The following ERBB4 variants were observed in gnomAD, a reference collection of about 807,000 sequenced individuals.
ERBB4 encodes the protein erb-b2 receptor tyrosine kinase 4, also known as receptor tyrosine-protein kinase erbB-4.
In ERBB4, 42 loss-of-function variants were observed where a neutral mutation model predicts 158.0. That is an observed-to-expected ratio of 0.27 (90% CI 0.21 to 0.34). The LOEUF is 0.34. ERBB4 is among the 10% of genes least tolerant of loss of function. The probability of loss-of-function intolerance (pLI) is 1.00; values close to 1 mark genes in which losing one functional copy is unlikely to be tolerated. For missense variants in ERBB4, 1,333 were observed against 1,624.1 expected, an observed-to-expected ratio of 0.82 and a Z score of 3.08; for synonymous variants, 583 against 558.7, an observed-to-expected ratio of 1.04 and a Z score of -0.61.
intron 3 of ERBB4, among the ~76,000 whole-genome samples, chr2:211,837,726 T>A (rs2077372877): frequency 2.0e-5 from 3 of 152,072 alleles, no homozygotes; most frequent in Admixed American, 2.0e-4. Context: ...AAAATACACA[T>A]AAAAGCCCTA....
intron 19 of ERBB4, among the ~76,000 whole-genome samples, chr2:211,604,303 CGTTT>C (rs1393325445): frequency 6.6e-6 from 1 of 152,084 alleles, no homozygotes; most frequent in Non-Finnish European, 1.5e-5. Flanking sequence ...CCAATTTTTG[CGTTT>C]GTTTCCTGTT....
chr2:212,073,812 A>AT (rs113669050), intron 2 of ERBB4, among the ~76,000 whole-genome samples: 8 of 151,970 alleles, frequency 5.3e-5, no homozygotes, highest in African/African-American at 1.9e-4. Flanking sequence ...AAGCATGATT[A>AT]TTTTTTTACA....
At chr2:211,962,525 C>T (rs2081206680) in intron 2 of ERBB4, among the ~76,000 whole-genome samples, 2 of 152,042 alleles carry the variant, frequency 1.3e-5, no homozygotes, top group Non-Finnish European at 2.9e-5. Context: ...TAATTTTACA[C>T]CAGGCAATGG....
intron 12 of ERBB4, among the ~76,000 whole-genome samples, chr2:211,688,037 T>G: frequency 6.6e-6 from 1 of 152,190 alleles, no homozygotes; most frequent in East Asian, 1.9e-4. Flanking sequence ...ATTCCTTACC[T>G]TTGAGCTATT....
rs149903257 is a variant in ERBB4 at position 211,531,234 on chromosome 2, C to A, written c.2487+30669G>T. On this transcript the variant is annotated intron_variant, in intron 20 of 27. Transcript: ENST00000342788. ...CTATTAAAATAAAACATTGGGGACA[C>A]GTTTTGAGACACTGGAGTGGGCAGA... Among the ~76,000 whole-genome samples, 747 of 152,188 alleles carry A rather than the reference C, an allele frequency of 4.9e-3. 16 individuals carry two copies. Among genetic ancestry groups the A allele is most frequent in the Admixed American group, 0.038 (580 of 15,284 alleles).
chr2:211,968,840 T>C (rs2081375571), intron 2 of ERBB4, among the ~76,000 whole-genome samples: 1 of 152,002 alleles, frequency 6.6e-6, no homozygotes, highest in Non-Finnish European at 1.5e-5. Context: ...GGTGACTATA[T>C]CCTTTTTATT....
intron 1 of ERBB4, among the ~76,000 whole-genome samples, chr2:212,395,593 A>T (rs1574840752): frequency 6.6e-6 from 1 of 151,106 alleles, no homozygotes; most frequent in South Asian, 2.1e-4. Flanking sequence ...ATGACAGGAC[A>T]GAATAGCAAA....
rs973973824 is a variant in ERBB4, at chr2:211,936,393, C to G, written c.421+11037G>C. ...AATGAAACTGAGTAAATTGAATGCT[C>G]TTAGAAGGAAGAAAAAAGTTATGGA... On this transcript the variant is annotated intron_variant, in intron 3 of 27. Coordinates refer to ENST00000342788, the MANE Select transcript of ERBB4 (RefSeq NM_005235.3). 4.0e-5 allele frequency among the ~76,000 whole-genome samples: 6 copies of G among 151,846 alleles called. No homozygotes were observed. The South Asian group carries it at 8.3e-4, about 21-fold the overall frequency.
chr2:212,276,458 A>C (rs2085539819), intron 1 of ERBB4, among the ~76,000 whole-genome samples: 1 of 151,738 alleles, frequency 6.6e-6, no homozygotes, highest in Non-Finnish European at 1.5e-5. Context: ...AAAATAGATT[A>C]GGTAATTAAA....
Position 212,343,138 on chromosome 2 carries a change from T to C in ERBB4, c.82+195311A>G, listed in dbSNP as rs539302622. ...CATCAATGAACATATTTAACAACTG[T>C]ATATGCCTTTGGAACATCATTCAAC... is the stretch of plus-strand genomic sequence containing the variant. On this transcript the variant is annotated intron_variant, in intron 1 of 27. Coordinates refer to ENST00000342788, the MANE Select transcript of ERBB4 (RefSeq NM_005235.3). Among the ~76,000 whole-genome samples the C allele has an allele frequency of 4.6e-5, 7 of 152,316 alleles. No individual in the cohort carries two copies. The East Asian group carries it at 1.2e-3, about 25-fold the overall frequency.
At chr2:211,690,392 G>A (rs2072759990) in intron 12 of ERBB4, among the ~76,000 whole-genome samples, 1 of 152,074 alleles carries the variant, frequency 6.6e-6, no homozygotes, top group Admixed American at 6.6e-5. Context: ...TTCGTTACAT[G>A]CTTTGACATA....
At chr2:212,071,218 T>C (rs527786236) in intron 2 of ERBB4, among the ~76,000 whole-genome samples, 1 of 151,982 alleles carries the variant, frequency 6.6e-6, no homozygotes, top group Non-Finnish European at 1.5e-5. Flanking sequence ...AAAATATTTT[T>C]AACAAACATC....
intron 1 of ERBB4, among the ~76,000 whole-genome samples, chr2:212,164,291 A>T (rs896610979): frequency 4.1e-5 from 3 of 73,928 alleles, no homozygotes; most frequent in South Asian, 4.4e-4. Flanking sequence ...GACGTATGAT[A>T]TTTTTAAAAA....
chr2:212,235,935 C>T (rs2083854288), intron 1 of ERBB4, among the ~76,000 whole-genome samples: 1 of 152,146 alleles, frequency 6.6e-6, no homozygotes, highest in Non-Finnish European at 1.5e-5. Flanking sequence ...GACTTCCTCT[C>T]TTCCTATTTG....
chr2:212,214,198 A>C (rs1283648772), intron 1 of ERBB4, among the ~76,000 whole-genome samples: 1 of 151,872 alleles, frequency 6.6e-6, no homozygotes, highest in Non-Finnish European at 1.5e-5. Flanking sequence ...TAATAGAATG[A>C]TTCAATACAT....
At chr2:212,157,566 C>T (rs2081078522) in intron 1 of ERBB4, among the ~76,000 whole-genome samples, 1 of 152,008 alleles carries the variant, frequency 6.6e-6, no homozygotes, top group Admixed American at 6.6e-5. Flanking sequence ...GAAAAAAAGA[C>T]TGGGTTTTTT....
chr2:211,870,173 A>C (rs537090815), intron 3 of ERBB4, among the ~76,000 whole-genome samples: 130 of 152,254 alleles, frequency 8.5e-4, no homozygotes, highest in African/African-American at 3.0e-3. Flanking sequence ...GCATTCCATA[A>C]ATTTGGGAAG....
chr2:211,767,467 A>G (rs2075579395), intron 4 of ERBB4, among the ~76,000 whole-genome samples: 1 of 152,174 alleles, frequency 6.6e-6, no homozygotes, highest in Non-Finnish European at 1.5e-5. Context: ...ATTTAGTAAA[A>G]ATGATGTATT....
At chr2:211,651,579 C>A (rs1267889209) in intron 16 of ERBB4, among the ~76,000 whole-genome samples, 1 of 152,092 alleles carries the variant, frequency 6.6e-6, no homozygotes, top group Non-Finnish European at 1.5e-5. Context: ...TCAGCAAGGG[C>A]CTGACTTAAT....
Sources: allele counts gnomAD v4.1 joint callset (sites outside exome capture counted in the v4.1 genomes callset), GRCh38; gene constraint gnomAD v4.1.1; transcripts MANE v1.5; gene names NCBI Gene and HGNC (gene_info 2026-07-23, HGNC 2026-07-21).